ATCAY: variants seen among roughly 807,000 people sequenced by gnomAD.
ATCAY encodes caytaxin.
Under a neutral mutation model 47.7 loss-of-function variants are expected in ATCAY, and 22 were observed. The ratio of observed to expected loss-of-function variants is 0.46; its 90% CI spans 0.33 to 0.66. ATCAY has a LOEUF of 0.66. Among genes scored for constraint, ATCAY ranks in the 30% least tolerant of loss-of-function variants. The pLI, the probability that ATCAY is intolerant of heterozygous loss-of-function variation, is 0.02. For missense variants in ATCAY, 452 were observed against 515.0 expected (o/e 0.88, Z 1.18); for synonymous variants, 216 against 207.6 (o/e 1.04, Z -0.35).
intron 10 of ATCAY, among the ~76,000 whole-genome samples, chr19:3,918,558 A>AAAT (rs893542617): frequency 6.6e-6 from 1 of 151,442 alleles, no homozygotes; most frequent in African/African-American, 2.4e-5. Flanking sequence ...CTGTCTCAAA[A>AAAT]AAAAAAACAA....
chr19:3,922,675 A>G (rs1277155523), intron 12 of ATCAY, among the ~76,000 whole-genome samples: 3 of 152,174 alleles, frequency 2.0e-5, no homozygotes, highest in Non-Finnish European at 4.4e-5. Context: ...CCAGGGAAGG[A>G]CCAAACTTTT....
intron 2 of ATCAY, among the ~76,000 whole-genome samples, chr19:3,901,618 A>G (rs1599285054): frequency 6.6e-6 from 1 of 152,144 alleles, no homozygotes; most frequent in African/African-American, 2.4e-5. Context: ...CCGTGCAAAA[A>G]TCTCCAAAAG....
At chr19:3,888,795 G>C (rs939141373) in intron 2 of ATCAY, among the ~76,000 whole-genome samples, 2 of 152,100 alleles carry the variant, frequency 1.3e-5, no homozygotes, top group African/African-American at 4.8e-5. Flanking sequence ...GGCTGGTGTG[G>C]GAGGCCGAGA....
intron 10 of ATCAY, among the ~76,000 whole-genome samples, chr19:3,918,350 A>G (rs181692032): frequency 6.6e-6 from 1 of 151,052 alleles, no homozygotes; most frequent in Admixed American, 6.7e-5. Flanking sequence ...ATGCCACTGC[A>G]CTCCAGCGTG....
chr19:3,903,021 T>C (rs1163646282), intron 3 of ATCAY, among the ~76,000 whole-genome samples: 2 of 152,190 alleles, frequency 1.3e-5, no homozygotes, highest in Non-Finnish European at 2.9e-5. Flanking sequence ...TCATCCAGGC[T>C]GGAGTGCAGT....
At chr19:3,924,438 G>A (rs1218306331) in intron 12 of ATCAY, 145 bp from the exon 13 acceptor site, 5 of 944,230 alleles carry the variant, frequency 5.3e-6, no homozygotes, top group African/African-American at 1.6e-5. Flanking sequence ...CAGGAGCCGG[G>A]CCCTGAAGGG....
chr19:3,902,727 A>T (rs549756187), intron 3 of ATCAY, among the ~76,000 whole-genome samples, 182 bp downstream of exon 3: 1 of 152,264 alleles, frequency 6.6e-6, no homozygotes, highest in East Asian at 1.9e-4. Context: ...TGGCGCTCTC[A>T]TGAAGCCAGC....
Position 3,926,253 on chromosome 19 carries a change from C to T in ATCAY, c.*1661C>T, listed in dbSNP as rs1280358769. On this transcript the variant is annotated 3_prime_UTR_variant, in exon 13 of 13. Transcript: ENST00000450849. ...CCCAGGAGGCAGAGGTTGCAGTGAT[C>T]CAAGATCATGCCACTGCACTCCAGC... 2 of 152,326 alleles carry T rather than the reference C, an allele frequency of 1.3e-5. No individual in the cohort carries two copies. Among genetic ancestry groups the T allele is most frequent in the Non-Finnish European group, 2.9e-5 (2 of 68,182 alleles). 9.4% of individuals were successfully genotyped at this position (152,326 alleles called of 1,614,324 possible).
At chr19:3,917,206 C>CT (rs905133376) in intron 9 of ATCAY, among the ~76,000 whole-genome samples, 12 of 151,774 alleles carry the variant, frequency 7.9e-5, no homozygotes, top group African/African-American at 2.9e-4. Flanking sequence ...CAGAGGATCG[C>CT]TTGAGCCCAG....
At chr19:3,894,625 CAAAAA>C (rs56732320) in intron 2 of ATCAY, among the ~76,000 whole-genome samples, 1 of 75,162 alleles carries the variant, frequency 1.3e-5, no homozygotes, top group Admixed American at 1.6e-4. Flanking sequence ...CCTGTGTCTG[CAAAAA>C]AAAAAAAAAA....
At chr19:3,891,858 T>C (rs1463940195) in intron 2 of ATCAY, among the ~76,000 whole-genome samples, 1 of 152,094 alleles carries the variant, frequency 6.6e-6, no homozygotes, top group African/African-American at 2.4e-5. Flanking sequence ...TTGTAACTTT[T>C]TCTTTGTTTG....
chr19:3,906,871 C>T (rs1215874586), intron 4 of ATCAY, among the ~76,000 whole-genome samples: 1 of 152,018 alleles, frequency 6.6e-6, no homozygotes, highest in Non-Finnish European at 1.5e-5. Flanking sequence ...GGCGCAGTGA[C>T]TCACGCCTGT....
chr19:3,881,195 G>A lies in ATCAY; in HGVS notation c.-42+187G>A, dbSNP rs79634936. On this transcript the variant is annotated intron_variant, in intron 1 of 12. Transcript: ENST00000450849. ...GGTACCAGGGAAAACCGTTCCCTGA[G>A]CTGCGCCCAGCAACACAGTTTACCT... 4.4e-3 allele frequency among the ~76,000 whole-genome samples: 676 copies of A among 152,130 alleles called. 2 individuals carry two copies. Among genetic ancestry groups the A allele is most frequent in the Non-Finnish European group, 7.5e-3 (511 of 68,012 alleles).
chr19:3,901,250 TC>T (rs2145238135), intron 2 of ATCAY, among the ~76,000 whole-genome samples: 1 of 152,308 alleles, frequency 6.6e-6, no homozygotes, highest in African/African-American at 2.4e-5. Flanking sequence ...TATTTCCAAT[TC>T]TTCTGCACAA....
rs2038872517 is a variant in ATCAY, at chr19:3,907,552, G to C, written c.359-182G>C. ...GCTTCCTGGAGGAGGCGGCATTTGA[G>C]CCAGGCCTTGAAAGGGGAGTAGGAG... On this transcript the variant is annotated intron_variant, in intron 4 of 12. Coordinates refer to ENST00000450849, the MANE Select transcript of ATCAY (RefSeq NM_033064.5). This position sits in a 1 kb window ranked among gnomAD's most constrained non-coding sequence, Gnocchi z 5.1. Among the ~76,000 whole-genome samples the C allele has an allele frequency of 6.6e-6, 1 of 152,234 alleles. No individual in the cohort carries two copies. The highest frequency in any genetic ancestry group is 2.1e-4 in the South Asian group (1 of 4,834).
In ATCAY at chr19:3,927,875, A is replaced by T. The variant is rs1001571205; in HGVS notation, c.*3283A>T. The T allele has an allele frequency of 6.6e-6, 1 of 152,182 alleles. No individual in the cohort carries two copies. The highest frequency in any genetic ancestry group is 2.4e-5 in the African/African-American group (1 of 41,440). 9.4% of individuals were successfully genotyped at this position (152,182 alleles called of 1,614,324 possible). The stretch of plus-strand genomic sequence containing the variant: ...GACCCCGACCCCTCCTCGTAAAAGG[A>T]TGTTGGGTTTCCCTCTGGTGACACA... On this transcript the variant is annotated 3_prime_UTR_variant, in exon 13 of 13. Coordinates refer to ENST00000450849, the MANE Select transcript of ATCAY (RefSeq NM_033064.5).
intron 2 of ATCAY, among the ~76,000 whole-genome samples, chr19:3,890,631 A>T (rs549136554): frequency 7.9e-5 from 12 of 152,258 alleles, no homozygotes; most frequent in African/African-American, 2.9e-4. Context: ...GGCCGAGCGC[A>T]CCTGCAAATG....
chr19:3,917,712 T>G (rs2038978692), intron 9 of ATCAY, 30 bp from the exon 10 acceptor site: 1 of 1,612,694 alleles, frequency 6.2e-7, no homozygotes, highest in Non-Finnish European at 8.5e-7. Flanking sequence ...GAAAGGAAGG[T>G]TGTGTCTGAC....
chr19:3,889,408 G>A (rs1389034398), intron 2 of ATCAY, among the ~76,000 whole-genome samples: 6 of 151,854 alleles, frequency 4.0e-5, no homozygotes, highest in Admixed American at 6.6e-5. Context: ...GTGAGACTCC[G>A]TCTCAAAATA....
Sources: allele counts gnomAD v4.1 joint callset (sites outside exome capture counted in the v4.1 genomes callset), GRCh38; gene constraint gnomAD v4.1.1; non-coding constraint Gnocchi (gnomAD v3.1); transcripts MANE v1.5; gene names NCBI Gene and HGNC (gene_info 2026-07-23, HGNC 2026-07-21).